Variants in MPRIP observed in about 807,000 individuals in gnomAD.
The protein encoded by MPRIP is myosin phosphatase Rho interacting protein.
Under a neutral mutation model 234.9 loss-of-function variants are expected in MPRIP, and 59 were observed. That is an observed-to-expected ratio of 0.25 (90% confidence interval 0.20 to 0.31). The LOEUF (loss-of-function observed/expected upper bound fraction) is 0.31. Ranked by LOEUF, MPRIP falls within the 10% of genes least tolerant of loss-of-function variation. The pLI, the probability that MPRIP is intolerant of heterozygous loss-of-function variation, is 1.00. For missense variants in MPRIP, 2,436 were observed against 3,071.0 expected (o/e 0.79, Z 4.89); for synonymous variants, 1,144 against 1,263.9 (o/e 0.91, Z 2.01).
Position 17,167,832 on chromosome 17 carries a change from C to G in MPRIP, c.6241C>G (p.Arg2081Gly). ...QELEAQMDVM[R>G]EELGHKDLEG... ...GCTGGAGGCCCAGATGGATGTCATG[C>G]GGGAGGAGCTGGGACACAAGGACCT... The change falls in exon 16 of 24, where the codon CGG becomes GGG. Residue 2081 changes from arginine (R) to glycine (G), a missense_variant. Physicochemically the swap from Arg to Gly is moderately radical, Grantham distance 125. This residue lies in a region of MPRIP where 1,998 missense variants were observed against 2,520.3 expected (regional missense o/e 0.79). Coordinates refer to ENST00000651222, the MANE Select transcript of MPRIP (RefSeq NM_001364716.4). The surrounding 1 kb of genome is among the most constrained non-coding windows in gnomAD (Gnocchi z 5.9). 7.7e-7 allele frequency: 1 copy of G among 1,304,202 alleles called. No homozygotes were observed. The highest frequency in any genetic ancestry group is 1.0e-6 in the Non-Finnish European group (1 of 988,950). The allele number at this position is 1,304,202 out of a possible 1,614,324, so 80.8% of individuals were successfully genotyped here. A position where few individuals can be genotyped will look rare whatever the true frequency, so the allele number is the denominator to read the frequency against.
chr17:17,153,841 A>G (rs1597470407), intron 12 of MPRIP, among the ~76,000 whole-genome samples: 1 of 151,940 alleles, frequency 6.6e-6, no homozygotes, highest in Non-Finnish European at 1.5e-5. Flanking sequence ...CCCTGGGCCC[A>G]TCATGCCATG....
chr17:17,061,124 G>A (rs2088855650), intron 1 of MPRIP, among the ~76,000 whole-genome samples: 1 of 152,228 alleles, frequency 6.6e-6, no homozygotes, highest in Non-Finnish European at 1.5e-5. Flanking sequence ...CTCCCCAAGT[G>A]CTGAGATTCA....
At chr17:17,150,279 A>T (rs1025111007) in intron 12 of MPRIP, 46 bp downstream of exon 12, 6 of 1,417,052 alleles carry the variant, frequency 4.2e-6, no homozygotes, top group Non-Finnish European at 6.0e-6. Context: ...ACAGGCAGGG[A>T]TGCATGTCAG....
chr17:17,108,259 A>C (rs933217785), intron 3 of MPRIP, among the ~76,000 whole-genome samples: 2 of 151,762 alleles, frequency 1.3e-5, no homozygotes, highest in Admixed American at 1.3e-4. Context: ...TTGTCTCCAC[A>C]CTCTTCTGTC....
At position 17,184,978 on chromosome 17, in the gene MPRIP, T is replaced by TTTATTA. The variant is rs140443601; in HGVS notation, c.*99_*104dup. 26 of 852,238 alleles carry TTTATTA rather than the reference T, an allele frequency of 3.1e-5. No homozygotes were observed. The highest frequency in any genetic ancestry group is 9.7e-5 in the South Asian group (7 of 72,292). 52.8% of individuals were successfully genotyped at this position (852,238 alleles called of 1,614,324 possible). A position where few individuals can be genotyped will look rare whatever the true frequency, so the allele number is the denominator to read the frequency against. On this transcript the variant is annotated 3_prime_UTR_variant, in exon 24 of 24. Coordinates refer to ENST00000651222, the MANE Select transcript of MPRIP (RefSeq NM_001364716.4). ...CGCTGCTTTTCACCTGTACCTTTGT[T>TTTATTA]TTATTATTATTATTATTATTGCTGT...
intron 3 of MPRIP, among the ~76,000 whole-genome samples, chr17:17,112,578 C>T (rs1378784693): frequency 6.6e-6 from 1 of 152,134 alleles, no homozygotes; most frequent in East Asian, 1.9e-4. Flanking sequence ...GCCGTCTGCT[C>T]CTGCAGGGCT....
intron 3 of MPRIP, among the ~76,000 whole-genome samples, chr17:17,093,360 A>C (rs1282292058): frequency 6.6e-6 from 1 of 152,218 alleles, no homozygotes; most frequent in Non-Finnish European, 1.5e-5. Flanking sequence ...ATGTATAAAC[A>C]CACCTAAAGA....
intron 3 of MPRIP, among the ~76,000 whole-genome samples, chr17:17,122,499 G>A (rs2090410818): frequency 6.6e-6 from 1 of 152,006 alleles, no homozygotes; most frequent in African/African-American, 2.4e-5. Context: ...GACTATAGAC[G>A]ACTGCCACCA....
At chr17:17,162,173 A>G (rs1197070133) in intron 15 of MPRIP, among the ~76,000 whole-genome samples, 1 of 152,222 alleles carries the variant, frequency 6.6e-6, no homozygotes, top group African/African-American at 2.4e-5. Flanking sequence ...TAACATTAGA[A>G]TCAAGGTCCT....
rs113799145 is a variant in MPRIP at position 17,143,445 on chromosome 17, C to T, written c.1390-111C>T. On this transcript the variant is annotated intron_variant, in intron 8 of 23. Coordinates refer to ENST00000651222, the MANE Select transcript of MPRIP (RefSeq NM_001364716.4). ...GGTGGCTAGGCAGATCACTGCCCCT[C>T]GCCAGGAGCAAGGCCCTGGCGGCTC... The T allele has an allele frequency of 3.1e-4, 195 of 626,528 alleles. No homozygotes were observed. In the African/African-American group the frequency reaches 3.4e-3, roughly 11 times the overall value. 38.8% of individuals were successfully genotyped at this position (626,528 alleles called of 1,614,324 possible). A position where few individuals can be genotyped will look rare whatever the true frequency, so the allele number is the denominator to read the frequency against.
intron 19 of MPRIP, among the ~76,000 whole-genome samples, chr17:17,174,871 T>G (rs1368636506): frequency 6.6e-6 from 1 of 151,844 alleles, no homozygotes; most frequent in Admixed American, 6.6e-5. Flanking sequence ...AATGGAAAGG[T>G]TCAAGCCAGG....
chr17:17,085,357 T>G (rs1241052113), intron 3 of MPRIP, among the ~76,000 whole-genome samples: 3 of 152,228 alleles, frequency 2.0e-5, no homozygotes, highest in Non-Finnish European at 2.9e-5. Flanking sequence ...CATCTTTACA[T>G]GAGCCCCACG....
chr17:17,044,174 T>TA (rs2088272498), intron 1 of MPRIP, among the ~76,000 whole-genome samples: 1 of 152,100 alleles, frequency 6.6e-6, no homozygotes. Flanking sequence ...CCCAAAAGCT[T>TA]AACGAAACAC....
At chr17:17,053,309 C>T (rs1003367988) in intron 1 of MPRIP, among the ~76,000 whole-genome samples, 5 of 152,086 alleles carry the variant, frequency 3.3e-5, no homozygotes, top group African/African-American at 9.7e-5. Flanking sequence ...ATCTATGCCC[C>T]TCATCTGAAA....
chr17:17,093,235 G>A (rs1351262243), intron 3 of MPRIP, among the ~76,000 whole-genome samples: 2 of 152,214 alleles, frequency 1.3e-5, no homozygotes, highest in East Asian at 3.8e-4. Context: ...AACTTTGGAG[G>A]CTTGGAAAGG....
At chr17:17,148,010 A>G (rs1023282339) in intron 11 of MPRIP, among the ~76,000 whole-genome samples, 54 of 152,300 alleles carry the variant, frequency 3.5e-4, no homozygotes, top group African/African-American at 1.3e-3. Flanking sequence ...TAACTCCCAC[A>G]TGTGGAAAAA....
intron 18 of MPRIP, among the ~76,000 whole-genome samples, chr17:17,173,160 G>A (rs565484122): frequency 1.1e-4 from 17 of 152,398 alleles, no homozygotes; most frequent in Admixed American, 3.9e-4. Flanking sequence ...GGGCTTGGTC[G>A]TACAGGGCAG....
chr17:17,163,389 T>G (rs1174255814), intron 15 of MPRIP, among the ~76,000 whole-genome samples: 1 of 152,226 alleles, frequency 6.6e-6, no homozygotes, highest in East Asian at 1.9e-4. Flanking sequence ...GAGTTTTGTT[T>G]CATTTACGTT....
At chr17:17,097,241 T>C (rs1597798367) in intron 3 of MPRIP, 1 of 187,020 alleles carries the variant, frequency 5.3e-6, no homozygotes, top group African/African-American at 2.3e-5. Context: ...TCGGTTCATA[T>C]TGTGGTTATG....
Sources: allele counts gnomAD v4.1 joint callset (sites outside exome capture counted in the v4.1 genomes callset), GRCh38; gene constraint gnomAD v4.1.1; regional missense constraint gnomAD v4.1.1; non-coding constraint Gnocchi (gnomAD v3.1); transcripts MANE v1.5; gene names NCBI Gene and HGNC (gene_info 2026-07-23, HGNC 2026-07-21).